STK39: variants seen among roughly 807,000 people sequenced by gnomAD.
The protein encoded by STK39 is serine/threonine kinase 39, also known as STE20/SPS1-related proline-alanine-rich protein kinase.
In STK39, 20 loss-of-function variants were observed where a neutral mutation model predicts 77.8. The ratio of observed to expected loss-of-function variants is 0.26; its 90% CI spans 0.18 to 0.37. The LOEUF (loss-of-function observed/expected upper bound fraction) is 0.37. STK39 is among the 10% of genes least tolerant of loss of function. The pLI, the probability that STK39 is intolerant of heterozygous loss-of-function variation, is 1.00. For missense variants in STK39, 479 were observed against 656.5 expected (o/e 0.73, Z 2.95); for synonymous variants, 246 against 234.1 (o/e 1.05, Z -0.47).
At position 168,061,174 on chromosome 2, in the gene STK39, T is replaced by C. The variant is rs76727252; in HGVS notation, c.1376+2326A>G. Among the ~76,000 whole-genome samples the C allele has an allele frequency of 7.9e-5, 12 of 152,022 alleles. No individual in the cohort carries two copies. In the East Asian group the frequency reaches 2.1e-3, roughly 27 times the overall value. On this transcript the variant is annotated intron_variant, in intron 14 of 17. Coordinates refer to ENST00000355999, the MANE Select transcript of STK39 (RefSeq NM_013233.3). ...TGAGTCATGCTGAACATGTCACCCA[T>C]GTGCATGGATATTTCAAAAGGCAAT...
intron 1 of STK39, among the ~76,000 whole-genome samples, chr2:168,234,206 G>A (rs980712086): frequency 3.9e-5 from 6 of 152,114 alleles, no homozygotes; most frequent in Non-Finnish European, 8.8e-5. Context: ...GAACATTTCC[G>A]AGAAATTACC....
chr2:168,002,341 G>C (rs1338742434), intron 16 of STK39, among the ~76,000 whole-genome samples: 1 of 152,216 alleles, frequency 6.6e-6, no homozygotes. Flanking sequence ...TTTTATGCTA[G>C]AACTTCTTGG....
At chr2:168,235,539 TGC>T (rs1229670895) in intron 1 of STK39, among the ~76,000 whole-genome samples, 1 of 151,946 alleles carries the variant, frequency 6.6e-6, no homozygotes, top group Non-Finnish European at 1.5e-5. Flanking sequence ...GTTGGTGTGC[TGC>T]GCCCAGTAAC....
At position 168,219,648 on chromosome 2, in the gene STK39, C is replaced by CA. The variant is rs1171678846; in HGVS notation, c.208+27579dup. On this transcript the variant is annotated intron_variant, in intron 1 of 17. Transcript: ENST00000355999. ...CTCCAAGTGGTCTGGGGCAAGCAAG[C>CA]ACTCCTCTCAATGCAACAAAACTCT... 1.2e-4 allele frequency among the ~76,000 whole-genome samples: 19 copies of CA among 152,248 alleles called. No individual in the cohort carries two copies. In the East Asian group the frequency reaches 3.1e-3, roughly 25 times the overall value.
intron 1 of STK39, among the ~76,000 whole-genome samples, chr2:168,231,368 A>G (rs10197710): frequency 0.38 from 58,169 of 151,762 alleles, 12,060 homozygotes; most frequent in Non-Finnish European, 0.48. Context: ...TGTTAACATA[A>G]TAACAACAGA....
chr2:167,958,224 T>C (rs940836312), intron 17 of STK39, among the ~76,000 whole-genome samples: 2 of 152,218 alleles, frequency 1.3e-5, no homozygotes, highest in Non-Finnish European at 2.9e-5. Context: ...TTCGTTAGAC[T>C]GACTGTCTTA....
intron 14 of STK39, among the ~76,000 whole-genome samples, chr2:168,053,909 C>A (rs1685459331): frequency 6.6e-6 from 1 of 152,214 alleles, no homozygotes; most frequent in Admixed American, 6.5e-5. Context: ...AGCCACTTAA[C>A]ATCTCCAGTC....
chr2:167,964,561 A>G (rs1692093559), intron 17 of STK39, 101 bp downstream of exon 17: 1 of 1,128,824 alleles, frequency 8.9e-7, no homozygotes, highest in East Asian at 2.4e-5. Context: ...AGAAAACAAC[A>G]ACAGCAAAAT....
intron 5 of STK39, among the ~76,000 whole-genome samples, chr2:168,149,494 G>C (rs1390465646): frequency 6.6e-6 from 1 of 152,244 alleles, no homozygotes; most frequent in East Asian, 1.9e-4. Flanking sequence ...TTCTTGCTAC[G>C]TGAGATAATT....
chr2:168,086,672 G>A (rs901562225), intron 10 of STK39, among the ~76,000 whole-genome samples: 2 of 152,168 alleles, frequency 1.3e-5, no homozygotes, highest in African/African-American at 4.8e-5. Flanking sequence ...CACATTTATA[G>A]CAACTTCCTT....
rs72876959 is a variant in STK39, at chr2:168,215,324, G to A, written c.208+31904C>T. Among the ~76,000 whole-genome samples the A allele has an allele frequency of 9.3e-3, 1,409 of 152,200 alleles. 14 individuals carry two copies. Among genetic ancestry groups the A allele is most frequent in the Non-Finnish European group, 0.012 (811 of 68,022 alleles). On this transcript the variant is annotated intron_variant, in intron 1 of 17. Transcript: ENST00000355999. The stretch of plus-strand genomic sequence containing the variant: ...TGATTTTACAGGGGAGAAAAAAAAC[G>A]TTAGCTGGATAAGAGTTCATTGTGT...
chr2:168,066,178 T>G (rs1288122928), intron 12 of STK39, among the ~76,000 whole-genome samples: 1 of 152,218 alleles, frequency 6.6e-6, no homozygotes, highest in African/African-American at 2.4e-5. Context: ...GAGCATAAAA[T>G]TCTTACTCTC....
At chr2:168,070,121 C>A (rs13390079) in intron 12 of STK39, among the ~76,000 whole-genome samples, 115,029 of 151,988 alleles carry the variant, frequency 0.76, 43,772 homozygotes, top group Admixed American at 0.82. Flanking sequence ...TAACCTAAGA[C>A]GCTATATAAG....
chr2:168,214,256 C>CAACA (rs1553542915), intron 1 of STK39, among the ~76,000 whole-genome samples: 4 of 149,590 alleles, frequency 2.7e-5, no homozygotes, highest in Admixed American at 6.7e-5. Flanking sequence ...ACAACAACAA[C>CAACA]AAAAAAAAAA....
intron 1 of STK39, among the ~76,000 whole-genome samples, chr2:168,245,631 T>C (rs1690877922): frequency 6.6e-6 from 1 of 152,146 alleles, no homozygotes; most frequent in African/African-American, 2.4e-5. Flanking sequence ...CAGCAAAGAA[T>C]GGAAGACCAG....
At chr2:168,215,183 T>A (rs1296976897) in intron 1 of STK39, among the ~76,000 whole-genome samples, 2 of 152,232 alleles carry the variant, frequency 1.3e-5, no homozygotes, top group Non-Finnish European at 2.9e-5. Flanking sequence ...AGTTGTTTTT[T>A]ATGCATCCTT....
chr2:168,092,046 AAAT>A (rs1484269023), intron 10 of STK39, among the ~76,000 whole-genome samples: 1 of 152,232 alleles, frequency 6.6e-6, no homozygotes, highest in African/African-American at 2.4e-5. Flanking sequence ...CCCAAAATCC[AAAT>A]GTGGTCCACA....
rs189967102 is a variant in STK39, at chr2:168,129,664, G to C, written c.1023+46C>G. The C allele has an allele frequency of 2.5e-6, 4 of 1,613,796 alleles. No homozygotes were observed. The African/African-American group carries it at 5.3e-5, about 22-fold the overall frequency. ...CAAATATGATACACATAAATACACA[G>C]TGATTTCAAAAATAGCAGATTTACT... On this transcript the variant is annotated intron_variant, in intron 9 of 17. Transcript: ENST00000355999.
At chr2:168,108,368 C>T (rs1431485824) in intron 10 of STK39, among the ~76,000 whole-genome samples, 8 of 151,790 alleles carry the variant, frequency 5.3e-5, no homozygotes, top group Admixed American at 4.6e-4. Flanking sequence ...GGCAACATGG[C>T]GAAACCCTGT....
Sources: gnomAD v4.1 joint callset for allele counts (sites outside exome capture counted in the v4.1 genomes callset) on GRCh38, gnomAD v4.1.1 for gene constraint, MANE v1.5 for transcripts, NCBI Gene and HGNC (gene_info 2026-07-23, HGNC 2026-07-21) for gene names.